MYH10: variants seen among roughly 807,000 people sequenced by gnomAD.
The protein encoded by MYH10 is myosin-10.
MYH10 carries 55 observed loss-of-function variants against 257.8 expected under a neutral mutation model. The ratio of observed to expected loss-of-function variants is 0.21; its 90% confidence interval spans 0.17 to 0.27. The LOEUF is 0.27. Ranked by LOEUF, MYH10 falls within the 10% of genes least tolerant of loss-of-function variation. The pLI is 1.00. For missense variants in MYH10, 1,631 were observed against 2,500.6 expected (o/e 0.65, Z 7.42); for synonymous variants, 854 against 921.7 (o/e 0.93, Z 1.33).
At chr17:8,548,528 T>A in intron 10 of MYH10, 116 bp downstream of exon 10, 1 of 1,438,786 alleles carries the variant, frequency 7.0e-7, no homozygotes, top group Non-Finnish European at 9.4e-7. Context: ...GACATGTCTT[T>A]TCAGGATTTC....
chr17:8,596,815 G>A (rs2084388351), intron 3 of MYH10, among the ~76,000 whole-genome samples: 1 of 152,106 alleles, frequency 6.6e-6, no homozygotes, highest in African/African-American at 2.4e-5. Context: ...ATAATAATTG[G>A]TTGTTTCCAG....
intron 2 of MYH10, among the ~76,000 whole-genome samples, chr17:8,612,537 C>T (rs532539329): frequency 1.0e-3 from 152 of 152,212 alleles, no homozygotes; most frequent in African/African-American, 3.5e-3. Context: ...CCCACCACGC[C>T]TAAATTGTAA....
At chr17:8,530,589 T>G (rs1397486917) in intron 17 of MYH10, 34 bp downstream of exon 17, 1 of 1,306,504 alleles carries the variant, frequency 7.7e-7, no homozygotes, top group African/African-American at 1.6e-5. Flanking sequence ...AAAACCCTTC[T>G]GTTTTGGAAG....
chr17:8,488,272 C>T (rs1597619413), intron 35 of MYH10, among the ~76,000 whole-genome samples: 1 of 152,176 alleles, frequency 6.6e-6, no homozygotes, highest in South Asian at 2.1e-4. Context: ...ACTGTGCTCA[C>T]ACTGTGTGAG....
intron 2 of MYH10, among the ~76,000 whole-genome samples, chr17:8,614,121 A>G (rs1781352199): frequency 6.6e-6 from 1 of 152,178 alleles, no homozygotes; most frequent in Admixed American, 6.5e-5. Flanking sequence ...AATAAAGTAT[A>G]TGTATTTTTC....
chr17:8,590,310 C>T (rs1250960820), intron 3 of MYH10, among the ~76,000 whole-genome samples: 4 of 152,016 alleles, frequency 2.6e-5, no homozygotes, highest in Non-Finnish European at 5.9e-5. Context: ...AGTCTAATTT[C>T]TTTTTTCTTT....
At chr17:8,540,117 G>A (rs1290576954) in intron 14 of MYH10, among the ~76,000 whole-genome samples, 1 of 152,138 alleles carries the variant, frequency 6.6e-6, no homozygotes, top group Non-Finnish European at 1.5e-5. Flanking sequence ...AGCCTCCTGA[G>A]TAGCCGAGAC....
At chr17:8,558,560 A>G (rs1314283651) in intron 7 of MYH10, among the ~76,000 whole-genome samples, 1 of 152,258 alleles carries the variant, frequency 6.6e-6, no homozygotes, top group Non-Finnish European at 1.5e-5. Flanking sequence ...GCACACTGCA[A>G]TCTAATTTCA....
intron 1 of MYH10, among the ~76,000 whole-genome samples, chr17:8,628,420 G>A (rs1383940599): frequency 2.6e-5 from 4 of 152,160 alleles, no homozygotes; most frequent in African/African-American, 7.2e-5. Flanking sequence ...CACCTACTAT[G>A]AGTGTGGACA....
chr17:8,548,617 C>T (rs767255918), intron 10 of MYH10, 27 bp downstream of exon 10: 4 of 1,611,628 alleles, frequency 2.5e-6, no homozygotes, highest in East Asian at 2.2e-5. Flanking sequence ...AAAGTGAGTA[C>T]CAGAATCTTA....
At position 8,490,625 on chromosome 17, in the gene MYH10, T is replaced by C; in HGVS notation, c.4672-73A>G. 6.7e-7 allele frequency: 1 copy of C among 1,490,724 alleles called. No homozygotes were observed. The highest frequency in any genetic ancestry group is 1.1e-5 in the South Asian group (1 of 87,580). 92.3% of individuals were successfully genotyped at this position (1,490,724 alleles called of 1,614,324 possible). A position where few individuals can be genotyped will look rare whatever the true frequency, so the allele number is the denominator to read the frequency against. ...TATGAAGAACAGCAGTCTTACTGTT[T>C]TACAGGCCCACTCGTGGCATGCTGG... On this transcript the variant is annotated intron_variant, in intron 34 of 42. Transcript: ENST00000360416. This position sits in a 1 kb window ranked among gnomAD's most constrained non-coding sequence, Gnocchi z 4.1.
At position 8,495,155 on chromosome 17, in the gene MYH10, A is replaced by C; in HGVS notation, c.4038T>G (p.Ser1346=). The change falls in exon 31 of 43, where the codon TCT becomes TCG. Residue 1346 remains serine, a synonymous_variant. Coordinates refer to ENST00000360416, the MANE Select transcript of MYH10 (RefSeq NM_001256012.3). ...GGAATACCTGTGTATCCTGTAGTTG[A>C]GACTCAAGACTAGCTGCATCCTTAG... The part of the protein sequence containing the change: ...KFAKDAASLE[S]QLQDTQELLQ... The C allele has an allele frequency of 6.2e-7, 1 of 1,607,770 alleles. No individual in the cohort carries two copies. The highest frequency in any genetic ancestry group is 8.5e-7 in the Non-Finnish European group (1 of 1,174,180).
Position 8,475,742 on chromosome 17 carries a change from A to T in MYH10, c.*62T>A, listed in dbSNP as rs558700961. Reference sequence around the variant, plus strand: ...TAGCTTGCCAATTTCCGAAATCTGCAGGAGGCCCCGGGTGCATTCCTAACT... The same window carrying T: ...TAGCTTGCCAATTTCCGAAATCTGCTGGAGGCCCCGGGTGCATTCCTAACT... On this transcript the variant is annotated 3_prime_UTR_variant, in exon 43 of 43. Coordinates refer to ENST00000360416, the MANE Select transcript of MYH10 (RefSeq NM_001256012.3). 2.0e-5 allele frequency: 31 copies of T among 1,559,010 alleles called. No individual in the cohort carries two copies. The East Asian group carries it at 6.3e-4, about 32-fold the overall frequency.
chr17:8,494,528 T>C (rs1456361455), intron 31 of MYH10, among the ~76,000 whole-genome samples: 1 of 152,092 alleles, frequency 6.6e-6, no homozygotes, highest in African/African-American at 2.4e-5. Flanking sequence ...TTATTCCACT[T>C]TTGGCCTGTC....
rs1567766550 is a variant in MYH10, at chr17:8,480,338, T to G, written c.5389-20A>C. The G allele has an allele frequency of 6.2e-7, 1 of 1,613,356 alleles. No individual in the cohort carries two copies. The highest frequency in any genetic ancestry group is 8.5e-7 in the Non-Finnish European group (1 of 1,179,516). Reference sequence around the variant, plus strand: ...GTCCACCTAGAGAGGAGAGAGGAGTTTAGTCACTTGTGCCTGAGGGGTGGC... The same window carrying G: ...GTCCACCTAGAGAGGAGAGAGGAGTGTAGTCACTTGTGCCTGAGGGGTGGC... On this transcript the variant is annotated intron_variant, in intron 39 of 42. Transcript: ENST00000360416.
intron 1 of MYH10, among the ~76,000 whole-genome samples, chr17:8,623,855 A>G (rs2085568918): frequency 6.6e-6 from 1 of 152,184 alleles, no homozygotes; most frequent in African/African-American, 2.4e-5. Flanking sequence ...AATGTGATCA[A>G]CTGGGACCAC....
rs763716591 is a variant in MYH10, at chr17:8,490,579, G to A, written c.4672-27C>T. 1 of 1,604,732 alleles carries A rather than the reference G, an allele frequency of 6.2e-7. No individual in the cohort carries two copies. The highest frequency in any genetic ancestry group is 8.5e-7 in the Non-Finnish European group (1 of 1,171,498). On this transcript the variant is annotated intron_variant, in intron 34 of 42. Coordinates refer to ENST00000360416, the MANE Select transcript of MYH10 (RefSeq NM_001256012.3). This position sits in a 1 kb window ranked among gnomAD's most constrained non-coding sequence, Gnocchi z 4.1. ...TAAACCACCGAAGCATCAGGAAAGA[G>A]TTGACCGGGGTGGAGGCACATATGA...
chr17:8,510,204 A>G (rs1032100283), intron 24 of MYH10, among the ~76,000 whole-genome samples: 3 of 151,650 alleles, frequency 2.0e-5, no homozygotes, highest in Non-Finnish European at 4.4e-5. Context: ...ACGCCCGGCT[A>G]ATTTTTTGAT....
chr17:8,586,435 A>T (rs913815167), intron 4 of MYH10, among the ~76,000 whole-genome samples: 73 of 152,248 alleles, frequency 4.8e-4, no homozygotes, highest in Admixed American at 4.6e-3. Context: ...AAGTACAGTG[A>T]AATATTAACA....
Sources: allele counts gnomAD v4.1 joint callset (sites outside exome capture counted in the v4.1 genomes callset), GRCh38; gene constraint gnomAD v4.1.1; non-coding constraint Gnocchi (gnomAD v3.1); transcripts MANE v1.5; gene names NCBI Gene and HGNC (gene_info 2026-07-23, HGNC 2026-07-21).